Variants in ADD1 observed in about 807,000 individuals in gnomAD.
The protein encoded by ADD1 is alpha-adducin.
A neutral mutation model predicts 80.5 loss-of-function variants in ADD1; 24 were observed. The observed-to-expected ratio is 0.30, with a 90% CI of 0.22 to 0.42. The LOEUF is 0.42. Ranked by LOEUF, ADD1 falls within the 10% of genes least tolerant of loss-of-function variation. The probability of loss-of-function intolerance (pLI) is 1.00; values close to 1 mark genes in which losing one functional copy is unlikely to be tolerated. For missense variants in ADD1, 948 were observed against 1,019.0 expected (o/e 0.93, Z 0.95); for synonymous variants, 373 against 393.8 (o/e 0.95, Z 0.63).
intron 10 of ADD1, 178 bp downstream of exon 10, chr4:2,905,286 C>T: frequency 1.6e-6 from 1 of 622,816 alleles, no homozygotes; most frequent in Non-Finnish European, 2.8e-6. Flanking sequence ...TCGGATAATA[C>T]TATCTGCTTG....
At chr4:2,906,728 ATT>A (rs1737128085) in intron 10 of ADD1, among the ~76,000 whole-genome samples, 1 of 152,220 alleles carries the variant, frequency 6.6e-6, no homozygotes, top group Non-Finnish European at 1.5e-5. Flanking sequence ...ACTAAAAATT[ATT>A]TTTAATAAAA....
chr4:2,855,539 C>T lies in ADD1; in HGVS notation c.-21+11515C>T, dbSNP rs140107573. Among the ~76,000 whole-genome samples the T allele has an allele frequency of 3.3e-5, 5 of 151,266 alleles. No individual in the cohort carries two copies. The East Asian group carries it at 7.7e-4, about 23-fold the overall frequency. On this transcript the variant is annotated intron_variant, in intron 1 of 15. Coordinates refer to ENST00000683351, the MANE Select transcript of ADD1 (RefSeq NM_001354761.2). ...ACGAAGTCTAAAACTAATATTCTGT[C>T]GCCCTCCTAGATACAGCAAAGGCAT...
intron 4 of ADD1, among the ~76,000 whole-genome samples, chr4:2,889,429 C>G (rs542418734): frequency 6.6e-6 from 1 of 152,142 alleles, no homozygotes; most frequent in Non-Finnish European, 1.5e-5. Context: ...GAACCTCTGG[C>G]CTAAGGAGAG....
intron 8 of ADD1, 93 bp from the exon 9 acceptor site, chr4:2,899,166 G>T: frequency 7.9e-7 from 1 of 1,261,872 alleles, no homozygotes; most frequent in Non-Finnish European, 1.1e-6. Flanking sequence ...CTAGAGATTT[G>T]GTTTCTTTTG....
intron 1 of ADD1, among the ~76,000 whole-genome samples, chr4:2,873,417 G>A (rs1476624960): frequency 2.0e-5 from 3 of 152,172 alleles, no homozygotes; most frequent in Non-Finnish European, 4.4e-5. Flanking sequence ...TGATTACTGG[G>A]CTCAGAATGT....
Position 2,884,501 on chromosome 4 carries a change from T to G in ADD1, c.359-14T>G. ...CCACTGCACCTGGCTGAGTTTTGTT[T>G]TTCTTTATTTCAGGTCTTGGTATGG... On this transcript the variant is annotated splice_polypyrimidine_tract_variant and intron_variant, in intron 3 of 15. Coordinates refer to ENST00000683351, the MANE Select transcript of ADD1 (RefSeq NM_001354761.2). 6.3e-7 allele frequency: 1 copy of G among 1,588,718 alleles called. No homozygotes were observed. The highest frequency in any genetic ancestry group is 8.6e-7 in the Non-Finnish European group (1 of 1,163,064).
At chr4:2,911,177 C>T (rs991001899) in intron 13 of ADD1, among the ~76,000 whole-genome samples, 3 of 152,088 alleles carry the variant, frequency 2.0e-5, no homozygotes, top group Admixed American at 6.5e-5. Context: ...CCCAGTGAGG[C>T]GAGTGCGTGG....
At chr4:2,856,860 G>A (rs1577440329) in intron 1 of ADD1, among the ~76,000 whole-genome samples, 1 of 151,026 alleles carries the variant, frequency 6.6e-6, no homozygotes, top group South Asian at 2.1e-4. Context: ...CGAAGTGCTG[G>A]AATTACAGGT....
At chr4:2,888,486 G>A (rs979484365) in intron 4 of ADD1, among the ~76,000 whole-genome samples, 3 of 151,148 alleles carry the variant, frequency 2.0e-5, no homozygotes, top group Non-Finnish European at 1.5e-5. Context: ...GCATGATCTC[G>A]GCTCACTCAA....
chr4:2,896,640 G>A (rs990935269), intron 6 of ADD1, among the ~76,000 whole-genome samples: 1 of 151,764 alleles, frequency 6.6e-6, no homozygotes, highest in African/African-American at 2.4e-5. Flanking sequence ...TGTGAATGAT[G>A]TGATTTTTTT....
intron 13 of ADD1, among the ~76,000 whole-genome samples, chr4:2,911,431 C>CATATATAT (rs1553848842): frequency 7.1e-6 from 1 of 140,872 alleles, no homozygotes; most frequent in African/African-American, 2.7e-5. Flanking sequence ...ACCTGAAATA[C>CATATATAT]ATATATATAT....
At chr4:2,884,119 A>G (rs1003910441) in intron 3 of ADD1, among the ~76,000 whole-genome samples, 4 of 152,210 alleles carry the variant, frequency 2.6e-5, no homozygotes, top group African/African-American at 9.6e-5. Context: ...TCTCTAATGT[A>G]TACGTTTAAT....
At position 2,926,338 on chromosome 4, in the gene ADD1, G is replaced by A; in HGVS notation, c.2047+226G>A. ...CCAGGTAGGAAGGCCGGCCTCGGGG[G>A]TCGGAACCCACCATGGTTGCTGGTG... is the stretch of plus-strand genomic sequence containing the variant. On this transcript the variant is annotated intron_variant, in intron 15 of 15. Transcript: ENST00000683351. The surrounding 1 kb of genome is among the most constrained non-coding windows in gnomAD (Gnocchi z 5.0). 1 of 704,506 alleles carries A rather than the reference G, an allele frequency of 1.4e-6. No homozygotes were observed. The highest frequency in any genetic ancestry group is 2.6e-6 in the Non-Finnish European group (1 of 388,084). 43.6% of individuals were successfully genotyped at this position (704,506 alleles called of 1,614,324 possible). A position where few individuals can be genotyped will look rare whatever the true frequency, so the allele number is the denominator to read the frequency against.
intron 1 of ADD1, among the ~76,000 whole-genome samples, chr4:2,862,741 A>T (rs1431635514): frequency 6.6e-6 from 1 of 152,030 alleles, no homozygotes; most frequent in Non-Finnish European, 1.5e-5. Context: ...CTTCTAACAG[A>T]CTGTGTGATT....
intron 1 of ADD1, among the ~76,000 whole-genome samples, chr4:2,854,519 CTG>C (rs1423958287): frequency 1.3e-5 from 2 of 152,094 alleles, no homozygotes; most frequent in East Asian, 3.8e-4. Flanking sequence ...GTCAGTTTCT[CTG>C]TGAGTTCTAG....
At chr4:2,858,700 C>T (rs1337563351) in intron 1 of ADD1, among the ~76,000 whole-genome samples, 2 of 152,202 alleles carry the variant, frequency 1.3e-5, no homozygotes, top group Non-Finnish European at 2.9e-5. Flanking sequence ...TCCAAAACCA[C>T]ACCCAAGGCC....
At chr4:2,844,556 C>T (rs1325356285) in intron 1 of ADD1, 1 of 152,234 alleles carries the variant, frequency 6.6e-6, no homozygotes, top group African/African-American at 2.4e-5. Context: ...CACCTTTGCC[C>T]TCCCTCTCTT....
chr4:2,853,157 G>A (rs1438565493), intron 1 of ADD1: 1 of 146,092 alleles, frequency 6.8e-6, no homozygotes, highest in Non-Finnish European at 1.5e-5. Flanking sequence ...TGCCCAGGCT[G>A]GAGTGCAGTG....
intron 14 of ADD1, among the ~76,000 whole-genome samples, chr4:2,923,587 A>C (rs1012401221): frequency 6.6e-6 from 1 of 152,232 alleles, no homozygotes; most frequent in African/African-American, 2.4e-5. Context: ...CTATTCGGCC[A>C]TGTTGCCTGT....
Sources: gnomAD v4.1 joint callset for allele counts (sites outside exome capture counted in the v4.1 genomes callset) on GRCh38, gnomAD v4.1.1 for gene constraint, Gnocchi (gnomAD v3.1) non-coding constraint, MANE v1.5 for transcripts, NCBI Gene and HGNC (gene_info 2026-07-23, HGNC 2026-07-21) for gene names.